The following ANO1 variants were observed in gnomAD, a reference collection of about 807,000 sequenced individuals.
ANO1 encodes the protein anoctamin-1.
A neutral mutation model predicts 124.0 loss-of-function variants in ANO1; 59 were observed. That is an observed-to-expected ratio of 0.48 (90% CI 0.39 to 0.59). The LOEUF (loss-of-function observed/expected upper bound fraction) is 0.59. ANO1 is among the 20% of genes least tolerant of loss of function. The pLI is 0.00. For synonymous variants in ANO1, 529 were observed against 532.0 expected (o/e 0.99, Z 0.08); for missense variants, 1,059 against 1,328.0 (o/e 0.80, Z 3.15).
chr11:70,042,235 C>G (rs1857194419), intron 1 of ANO1, among the ~76,000 whole-genome samples: 1 of 152,168 alleles, frequency 6.6e-6, no homozygotes, highest in South Asian at 2.1e-4. Flanking sequence ...AAATGTGGGA[C>G]AGCAGCCCTG....
In ANO1 at chr11:70,187,884, C is replaced by T. The variant is rs1393613202; in HGVS notation, c.2841C>T (p.Thr947=). The part of the protein sequence containing the change: ...EEQDKQQLLE[T]WMEKERQKDE... ...AAGACAAGCAGCAGCTGCTGGAAAC[C>T]TGGATGGAGAAGGAGCGGCAGAAGG... The change falls in exon 26 of 26, where the codon ACC becomes ACT. Residue 947 remains threonine, a synonymous_variant. Transcript: ENST00000355303. The T allele has an allele frequency of 1.9e-6, 3 of 1,604,064 alleles. No homozygotes were observed. Among genetic ancestry groups the T allele is most frequent in the Non-Finnish European group, 2.6e-6 (3 of 1,175,800 alleles).
At chr11:70,113,089 C>T (rs561188846) in intron 7 of ANO1, among the ~76,000 whole-genome samples, 1 of 152,086 alleles carries the variant, frequency 6.6e-6, no homozygotes, top group Non-Finnish European at 1.5e-5. Flanking sequence ...TGCATTCACA[C>T]ATGCTGTTCC....
upstream of ANO1, among the ~76,000 whole-genome samples, chr11:69,983,596 G>A (rs1855976776): frequency 6.6e-6 from 1 of 152,138 alleles, no homozygotes; most frequent in Non-Finnish European, 1.5e-5. Flanking sequence ...CCTCTTCCAG[G>A]CCACCCTCTC....
intron 11 of ANO1, 73 bp downstream of exon 11, chr11:70,132,152 G>A: frequency 6.7e-7 from 1 of 1,485,410 alleles, no homozygotes; most frequent in Non-Finnish European, 9.0e-7. Context: ...GCTTCTGTCT[G>A]TCTTTGCGAA....
At chr11:70,007,281 T>TTTC (rs1856510885) in intron 1 of ANO1, among the ~76,000 whole-genome samples, 1 of 150,472 alleles carries the variant, frequency 6.6e-6, no homozygotes, top group East Asian at 2.0e-4. Context: ...TTCTTTTTTT[T>TTTC]TTTTTTTTTT....
intron 11 of ANO1, among the ~76,000 whole-genome samples, chr11:70,145,962 A>AAAAAAAAAAAG (rs2047362160): frequency 7.6e-6 from 1 of 131,994 alleles, no homozygotes; most frequent in African/African-American, 2.7e-5. Flanking sequence ...AAAAAAAAAA[A>AAAAAAAAAAAG]AAAGAAAGAA....
At chr11:69,977,643 C>T in the ANO1 span, among the ~76,000 whole-genome samples, 1 of 152,228 alleles carries the variant, frequency 6.6e-6, no homozygotes, top group Non-Finnish European at 1.5e-5. Context: ...CTAAGGGGGA[C>T]AGTGCCCATC....
chr11:70,131,526 C>A (rs1321686648), intron 10 of ANO1, among the ~76,000 whole-genome samples: 1 of 152,172 alleles, frequency 6.6e-6, no homozygotes, highest in Non-Finnish European at 1.5e-5. Flanking sequence ...CAGGGTTTCA[C>A]CATTTTGGCC....
intron 22 of ANO1, among the ~76,000 whole-genome samples, chr11:70,175,235 C>A (rs1010917238): frequency 6.6e-6 from 1 of 152,272 alleles, no homozygotes; most frequent in Non-Finnish European, 1.5e-5. Context: ...CTCTTTGCAC[C>A]TGGCTGGTTT....
chr11:70,185,721 G>T (rs780357331), intron 25 of ANO1, 26 bp downstream of exon 25: 1 of 1,610,020 alleles, frequency 6.2e-7, no homozygotes, highest in East Asian at 2.2e-5. Flanking sequence ...CTTTGTTTCC[G>T]GTTTGAAGAT....
At chr11:70,153,612 G>A (rs2047686194) in intron 14 of ANO1, among the ~76,000 whole-genome samples, 2 of 152,144 alleles carry the variant, frequency 1.3e-5, no homozygotes, top group African/African-American at 4.8e-5. Context: ...TGAGAATGAG[G>A]GTGAGACATG....
intron 22 of ANO1, among the ~76,000 whole-genome samples, chr11:70,174,603 G>A (rs146897894): frequency 2.0e-5 from 3 of 152,262 alleles, no homozygotes; most frequent in East Asian, 3.9e-4. Context: ...ACCTCAGCCT[G>A]TTGTGTCCTC....
chr11:70,186,926 G>C (rs2049151184), intron 25 of ANO1, among the ~76,000 whole-genome samples: 1 of 152,222 alleles, frequency 6.6e-6, no homozygotes, highest in South Asian at 2.1e-4. Context: ...GCCCAGCAAG[G>C]AGGGGTCTCG....
the ANO1 span, among the ~76,000 whole-genome samples, chr11:69,976,074 G>A: frequency 2.0e-5 from 3 of 152,174 alleles, no homozygotes; most frequent in East Asian, 1.9e-4. Flanking sequence ...CACCTGGGCC[G>A]TGTCTCTGTA....
chr11:70,161,465 C>A, intron 17 of ANO1, 103 bp downstream of exon 17: 1 of 1,442,796 alleles, frequency 6.9e-7, no homozygotes, highest in East Asian at 2.3e-5. Context: ...TCTCTGGGCC[C>A]CAGCTCCCTG....
At chr11:70,108,244 G>T (rs2045635503) in intron 5 of ANO1, 109 bp from the exon 6 acceptor site, 3 of 1,033,532 alleles carry the variant, frequency 2.9e-6, no homozygotes, top group Admixed American at 2.0e-5. Flanking sequence ...CACCAAGGAG[G>T]TCTTCATGCG....
chr11:70,060,227 A>C (rs1319206830), intron 1 of ANO1, among the ~76,000 whole-genome samples: 1 of 152,142 alleles, frequency 6.6e-6, no homozygotes, highest in Non-Finnish European at 1.5e-5. Context: ...TCCTTCAGTG[A>C]AAGAGAGCAC....
At chr11:70,133,859 C>T (rs1406381818) in intron 11 of ANO1, among the ~76,000 whole-genome samples, 1 of 152,204 alleles carries the variant, frequency 6.6e-6, no homozygotes, top group Non-Finnish European at 1.5e-5. Flanking sequence ...GGAGGCCTGG[C>T]CCACCCTCTG....
intron 10 of ANO1, 54 bp downstream of exon 10, chr11:70,126,249 G>C (rs1436417254): frequency 2.4e-5 from 38 of 1,567,230 alleles, no homozygotes; most frequent in Non-Finnish European, 3.2e-5. Flanking sequence ...GCCCTCTCCT[G>C]CCATCCCAGC....
Sources: gnomAD v4.1 joint callset for allele counts (sites outside exome capture counted in the v4.1 genomes callset) on GRCh38, gnomAD v4.1.1 for gene constraint, MANE v1.5 for transcripts, NCBI Gene and HGNC (gene_info 2026-07-23, HGNC 2026-07-21) for gene names.